The following TEX11 variants were observed in gnomAD, a reference collection of about 807,000 sequenced individuals.
TEX11 encodes testis expressed 11.
A neutral mutation model predicts 84.4 loss-of-function variants in TEX11; 7 were observed. The ratio of observed to expected loss-of-function variants is 0.08; its 90% confidence interval spans 0.05 to 0.16. TEX11 has a LOEUF of 0.16. Ranked by LOEUF, TEX11 falls within the 10% of genes least tolerant of loss-of-function variation. The pLI is 1.00. For missense variants in TEX11, 551 were observed against 660.5 expected, an observed-to-expected ratio of 0.83 and a Z score of 1.82; for synonymous variants, 264 against 222.8, an observed-to-expected ratio of 1.18 and a Z score of -1.64.
At chrX:70,566,027 T>C (rs1250688269) in intron 25 of TEX11, among the ~76,000 whole-genome samples, 1 of 110,088 alleles carries the variant, frequency 9.1e-6, no homozygotes, top group African/African-American at 3.3e-5. Context: ...TGATTCCTCC[T>C]ACCCATGAGC....
chrX:70,530,924 C>T (rs2087879547), intron 28 of TEX11, among the ~76,000 whole-genome samples: 1 of 111,315 alleles, frequency 9.0e-6, no homozygotes, highest in African/African-American at 3.3e-5. Flanking sequence ...ATTAGGTGCT[C>T]TCATTCAGTT....
At chrX:70,823,699 G>C (rs1301701484) in intron 8 of TEX11, among the ~76,000 whole-genome samples, 1 of 111,467 alleles carries the variant, frequency 9.0e-6, no homozygotes, top group Non-Finnish European at 1.9e-5. Flanking sequence ...AATGTAGAAA[G>C]AGTTAACCAT....
intron 28 of TEX11, among the ~76,000 whole-genome samples, chrX:70,530,805 G>C (rs773084896): frequency 8.9e-6 from 1 of 111,960 alleles, no homozygotes; most frequent in African/African-American, 3.2e-5. Flanking sequence ...AGGGCACTAA[G>C]AGGGAAAAGA....
chrX:70,777,049 T>A (rs1200387223), intron 9 of TEX11, among the ~76,000 whole-genome samples: 1 of 105,903 alleles, frequency 9.4e-6, no homozygotes, highest in East Asian at 3.0e-4. Context: ...TTATTATTAT[T>A]TTTTTTTTTG....
chrX:70,784,315 G>T (rs2091062880), intron 9 of TEX11, among the ~76,000 whole-genome samples: 1 of 111,416 alleles, frequency 9.0e-6, no homozygotes, highest in Admixed American at 9.6e-5. Flanking sequence ...ACTAGGTATT[G>T]ATGGAACGTA....
chrX:70,702,275 T>C (rs1482568814), intron 13 of TEX11, among the ~76,000 whole-genome samples: 1 of 111,691 alleles, frequency 9.0e-6, no homozygotes, highest in African/African-American at 3.2e-5. Flanking sequence ...GCAACCATCA[T>C]CCTGATCAGT....
chrX:70,589,193 G>T (rs753142583), intron 25 of TEX11, among the ~76,000 whole-genome samples: 4 of 110,122 alleles, frequency 3.6e-5, no homozygotes, highest in Non-Finnish European at 1.9e-5. Context: ...ATAATGTACT[G>T]TTTTCCAATA....
intron 18 of TEX11, among the ~76,000 whole-genome samples, chrX:70,628,389 C>G: frequency 9.0e-6 from 1 of 111,580 alleles, no homozygotes. Flanking sequence ...AACATTCTTA[C>G]TTATGTAAAT....
intron 25 of TEX11, among the ~76,000 whole-genome samples, chrX:70,586,746 T>C (rs2088858004): frequency 8.9e-6 from 1 of 112,079 alleles, no homozygotes; most frequent in Non-Finnish European, 1.9e-5. Flanking sequence ...AATGGACTAA[T>C]ACAGTAAATT....
chrX:70,865,921 G>T (rs954159503), intron 4 of TEX11, among the ~76,000 whole-genome samples: 9 of 111,786 alleles, frequency 8.1e-5, no homozygotes, highest in African/African-American at 2.9e-4. Context: ...AGCACTAAAT[G>T]CCCACATCGG....
chrX:70,830,790 A>G (rs911382097), intron 8 of TEX11, among the ~76,000 whole-genome samples: 2 of 112,260 alleles, frequency 1.8e-5, no homozygotes, highest in Admixed American at 9.5e-5. Flanking sequence ...TAGAATGTCT[A>G]TTATCAAAAA....
intron 9 of TEX11, among the ~76,000 whole-genome samples, chrX:70,752,055 T>C (rs1472612469): frequency 8.9e-6 from 1 of 112,059 alleles, no homozygotes; most frequent in East Asian, 2.8e-4. Flanking sequence ...TTACACCAGA[T>C]GGTAGTTCAA....
the TEX11 span, among the ~76,000 whole-genome samples, chrX:70,517,725 G>A: frequency 3.6e-5 from 4 of 111,205 alleles, no homozygotes; most frequent in South Asian, 1.5e-3. Flanking sequence ...ACCTCTCATA[G>A]AATTCGGCTG....
intron 9 of TEX11, among the ~76,000 whole-genome samples, chrX:70,805,139 GT>G (rs1268956852): frequency 9.1e-6 from 1 of 110,251 alleles, no homozygotes. Flanking sequence ...TTTATATAGA[GT>G]TTGATCAATC....
intron 1 of TEX11, among the ~76,000 whole-genome samples, chrX:70,908,410 T>G (rs1480329213): frequency 9.0e-6 from 1 of 111,296 alleles, no homozygotes; most frequent in East Asian, 2.8e-4. Flanking sequence ...AACTACTATC[T>G]CCGGTTTTCA....
At chrX:70,740,834 A>C (rs747160005) in intron 10 of TEX11, 38 bp from the exon 11 acceptor site, 4 of 947,738 alleles carry the variant, frequency 4.2e-6, no homozygotes, top group Middle Eastern at 2.8e-4. Flanking sequence ...CACATATCTG[A>C]TGGTTAAACT....
chrX:70,637,456 A>G (rs969092269), intron 17 of TEX11, among the ~76,000 whole-genome samples: 4 of 112,581 alleles, frequency 3.6e-5, no homozygotes, highest in African/African-American at 1.3e-4. Flanking sequence ...TATAAAAATA[A>G]TGCACACGTA....
intron 20 of TEX11, among the ~76,000 whole-genome samples, chrX:70,611,782 G>T (rs2089264083): frequency 9.0e-6 from 1 of 110,994 alleles, no homozygotes; most frequent in South Asian, 3.9e-4. Context: ...AACCTGAGAA[G>T]CACTTGTGAA....
chrX:70,750,929 A>ATATATATATATATAT (rs1556039277), intron 9 of TEX11, among the ~76,000 whole-genome samples: 4 of 26,658 alleles, frequency 1.5e-4, no homozygotes, highest in East Asian at 1.3e-3. Flanking sequence ...AATAAAAAAA[A>ATATATATATATATAT]AAAAATATAT....
Sources: allele counts gnomAD v4.1 joint callset (sites outside exome capture counted in the v4.1 genomes callset), GRCh38; gene constraint gnomAD v4.1.1; transcripts MANE v1.5; gene names NCBI Gene and HGNC (gene_info 2026-07-23, HGNC 2026-07-21).